The following SLC9A9 variants were observed in gnomAD, a reference collection of about 807,000 sequenced individuals.
SLC9A9 encodes the protein sodium/hydrogen exchanger 9.
SLC9A9 carries 62 observed loss-of-function variants against 77.8 expected under a neutral mutation model. That is an observed-to-expected ratio of 0.80 (90% CI 0.65 to 0.98). SLC9A9 has a LOEUF of 0.98. SLC9A9 is among the 50% of genes least tolerant of loss of function. SLC9A9 has a pLI of 0.00. For missense variants in SLC9A9, 775 were observed against 774.9 expected (o/e 1.00, Z 0.00); for synonymous variants, 320 against 283.5 (o/e 1.13, Z -1.29).
At chr3:143,609,845 A>G (rs1402500012) in intron 6 of SLC9A9, among the ~76,000 whole-genome samples, 2 of 152,182 alleles carry the variant, frequency 1.3e-5, no homozygotes, top group African/African-American at 4.8e-5. Flanking sequence ...GCATTTATTA[A>G]ACCAGTTCTG....
intron 9 of SLC9A9, among the ~76,000 whole-genome samples, chr3:143,515,972 G>T (rs2036196942): frequency 6.6e-6 from 1 of 152,166 alleles, no homozygotes; most frequent in South Asian, 2.1e-4. Context: ...TTCCTTGAAA[G>T]TTAGGTAGAA....
chr3:143,405,596 A>G (rs2033960749), intron 12 of SLC9A9, among the ~76,000 whole-genome samples: 1 of 152,168 alleles, frequency 6.6e-6, no homozygotes, highest in Admixed American at 6.5e-5. Flanking sequence ...TAGAACCTCT[A>G]TCATATAGGT....
chr3:143,355,749 G>T (rs2032568598), intron 14 of SLC9A9, among the ~76,000 whole-genome samples: 1 of 152,206 alleles, frequency 6.6e-6, no homozygotes, highest in Non-Finnish European at 1.5e-5. Flanking sequence ...CTGGCATGTG[G>T]TAGACTTGAT....
intron 1 of SLC9A9, among the ~76,000 whole-genome samples, chr3:143,835,931 C>G (rs1239047804): frequency 6.6e-6 from 1 of 152,190 alleles, no homozygotes; most frequent in Admixed American, 6.5e-5. Context: ...CAGTTGGCAG[C>G]ATCTCCTTCT....
At chr3:143,297,312 T>C (rs996338011) in intron 14 of SLC9A9, among the ~76,000 whole-genome samples, 1 of 152,230 alleles carries the variant, frequency 6.6e-6, no homozygotes, top group African/African-American at 2.4e-5. Context: ...TGTCAGAGAT[T>C]AGTTGACTGT....
At chr3:143,317,929 G>A (rs556485764) in intron 14 of SLC9A9, among the ~76,000 whole-genome samples, 82 of 152,154 alleles carry the variant, frequency 5.4e-4, no homozygotes, top group Non-Finnish European at 8.5e-4. Context: ...GGGTTTCACC[G>A]TGTTAGCCAG....
chr3:143,804,159 C>T (rs1054047094), intron 2 of SLC9A9, among the ~76,000 whole-genome samples: 1 of 152,186 alleles, frequency 6.6e-6, no homozygotes, highest in African/African-American at 2.4e-5. Flanking sequence ...CTACACACAT[C>T]ACTGAAACAA....
chr3:143,274,849 C>T (rs1937999500), intron 14 of SLC9A9, among the ~76,000 whole-genome samples: 1 of 152,170 alleles, frequency 6.6e-6, no homozygotes, highest in South Asian at 2.1e-4. Flanking sequence ...TGCATTCTGA[C>T]CTCCCATTTA....
intron 8 of SLC9A9, among the ~76,000 whole-genome samples, chr3:143,568,148 G>T (rs187882803): frequency 2.1e-4 from 32 of 152,266 alleles, no homozygotes; most frequent in African/African-American, 7.7e-4. Flanking sequence ...GGATCTGGTG[G>T]CAGGAATAAA....
intron 5 of SLC9A9, among the ~76,000 whole-genome samples, chr3:143,667,653 C>T (rs1302411893): frequency 5.9e-5 from 9 of 152,038 alleles, no homozygotes; most frequent in African/African-American, 1.4e-4. Flanking sequence ...TCAAACAACC[C>T]CATGAAAAAG....
chr3:143,644,140 G>A (rs536106159), intron 6 of SLC9A9, among the ~76,000 whole-genome samples: 1 of 152,280 alleles, frequency 6.6e-6, no homozygotes, highest in East Asian at 1.9e-4. Context: ...TCTTAAGCCT[G>A]GCATGTCCAG....
chr3:143,499,407 T>C (rs1421613960), intron 9 of SLC9A9, among the ~76,000 whole-genome samples: 1 of 152,150 alleles, frequency 6.6e-6, no homozygotes, highest in Non-Finnish European at 1.5e-5. Context: ...TTATTGTAAA[T>C]AGTACCTTTT....
At chr3:143,652,156 G>T in intron 6 of SLC9A9, 99 bp downstream of exon 6, 2 of 963,032 alleles carry the variant, frequency 2.1e-6, no homozygotes, top group South Asian at 1.4e-5. Context: ...CTTGAAAAAA[G>T]CTAGAGACTG....
chr3:143,561,536 G>A (rs2037084321), intron 8 of SLC9A9, among the ~76,000 whole-genome samples: 2 of 152,118 alleles, frequency 1.3e-5, no homozygotes, highest in African/African-American at 4.8e-5. Context: ...TAGGGTCCAC[G>A]CCTCTCAGCC....
intron 12 of SLC9A9, among the ~76,000 whole-genome samples, chr3:143,423,248 T>TACACACACAC (rs377276883): frequency 0.018 from 2,518 of 143,816 alleles, 36 homozygotes; most frequent in Middle Eastern, 0.032. Context: ...CACGCGCGTG[T>TACACACACAC]ACACACACAC....
intron 6 of SLC9A9, among the ~76,000 whole-genome samples, chr3:143,621,238 G>A (rs2038207087): frequency 6.6e-6 from 1 of 152,204 alleles, no homozygotes; most frequent in Non-Finnish European, 1.5e-5. Flanking sequence ...AGACTTAAAT[G>A]TCCCTGTCTG....
chr3:143,422,137 C>T (rs1477889412), intron 12 of SLC9A9, among the ~76,000 whole-genome samples: 1 of 152,174 alleles, frequency 6.6e-6, no homozygotes, highest in Non-Finnish European at 1.5e-5. Flanking sequence ...AACTCATACA[C>T]TGTAGATGGG....
At chr3:143,443,792 T>C (rs1168943450) in intron 12 of SLC9A9, among the ~76,000 whole-genome samples, 2 of 152,222 alleles carry the variant, frequency 1.3e-5, no homozygotes, top group Non-Finnish European at 2.9e-5. Context: ...ATAGCTCTAA[T>C]GAAGGCAAAA....
At chr3:143,704,878 G>A (rs1191949880) in intron 4 of SLC9A9, among the ~76,000 whole-genome samples, 2 of 152,028 alleles carry the variant, frequency 1.3e-5, no homozygotes, top group African/African-American at 4.8e-5. Context: ...TGTAATCCCA[G>A]CTACTCCAGA....
Sources: gnomAD v4.1 joint callset for allele counts (sites outside exome capture counted in the v4.1 genomes callset) on GRCh38, gnomAD v4.1.1 for gene constraint, MANE v1.5 for transcripts, NCBI Gene and HGNC (gene_info 2026-07-23, HGNC 2026-07-21) for gene names.